The following NCKAP1L variants were observed in gnomAD, a reference collection of about 807,000 sequenced individuals.
The protein encoded by NCKAP1L is nck-associated protein 1-like.
NCKAP1L carries 53 observed loss-of-function variants against 139.2 expected under a neutral mutation model. The ratio of observed to expected loss-of-function variants is 0.38; its 90% confidence interval spans 0.31 to 0.48. NCKAP1L has a LOEUF of 0.48. Ranked by LOEUF, NCKAP1L falls within the 20% of genes least tolerant of loss-of-function variation. The pLI is 0.98. For missense variants in NCKAP1L, 1,151 were observed against 1,381.9 expected, an observed-to-expected ratio of 0.83 and a Z score of 2.65; for synonymous variants, 468 against 499.7, an observed-to-expected ratio of 0.94 and a Z score of 0.85.
intron 18 of NCKAP1L, 82 bp downstream of exon 18, chr12:54,521,320 A>G: frequency 6.4e-7 from 1 of 1,566,124 alleles, no homozygotes; most frequent in Non-Finnish European, 8.7e-7. Flanking sequence ...TTTCCCTCTC[A>G]GATGCCAAGC....
chr12:54,517,014 A>AG (rs748267413), intron 11 of NCKAP1L, 22 bp downstream of exon 11: 91 of 1,598,636 alleles, frequency 5.7e-5, no homozygotes, highest in Non-Finnish European at 4.3e-5. Context: ...AAATGTTGGG[A>AG]GGGGAATGAT....
At position 54,545,099 on chromosome 12, in the gene NCKAP1L, C is replaced by T. The variant is rs565940324; in HGVS notation, c.*2414C>T. The T allele has an allele frequency of 2.6e-5, 4 of 152,210 alleles. No individual in the cohort carries two copies. The East Asian group carries it at 7.7e-4, about 29-fold the overall frequency. The allele number at this position is 152,210 out of a possible 1,614,324, so 9.4% of individuals were successfully genotyped here. The stretch of plus-strand genomic sequence containing the variant: ...AGCAATTTTATAGCAATTTTCTCCT[C>T]CCACAACCCCCTTCCCCATCTCTAG... On this transcript the variant is annotated 3_prime_UTR_variant, in exon 31 of 31. Coordinates refer to ENST00000293373, the MANE Select transcript of NCKAP1L (RefSeq NM_005337.5).
At position 54,511,956 on chromosome 12, in the gene NCKAP1L, T is replaced by C; in HGVS notation, c.792T>C (p.Phe264=). 6.2e-7 allele frequency: 1 copy of C among 1,614,222 alleles called. No homozygotes were observed. Among genetic ancestry groups the C allele is most frequent in the Non-Finnish European group, 8.5e-7 (1 of 1,180,034 alleles). The change falls in exon 9 of 31, where the codon TTT becomes TTC. Residue 264 remains phenylalanine (F), a synonymous_variant. Coordinates refer to ENST00000293373, the MANE Select transcript of NCKAP1L (RefSeq NM_005337.5). ...CTGTTTTCCCACCTACAGTTGGGTT[T>C]CTTCTTTGTCATGGGTGCCTCAACT... The part of the protein sequence containing the change: ...EVMERWIIIG[F]LLCHGCLNSN...
intron 30 of NCKAP1L, among the ~76,000 whole-genome samples, chr12:54,541,800 G>A (rs1044071891): frequency 2.0e-5 from 3 of 152,096 alleles, no homozygotes; most frequent in Non-Finnish European, 4.4e-5. Context: ...TCCAGAGTGT[G>A]TTTTTTAGTC....
intron 21 of NCKAP1L, 28 bp from the exon 22 acceptor site, chr12:54,528,219 A>G: frequency 6.2e-7 from 1 of 1,611,504 alleles, no homozygotes; most frequent in Non-Finnish European, 8.5e-7. Flanking sequence ...TTGGATCCTA[A>G]TCTATGTTTT....
chr12:54,520,267 A>T (rs541348335), intron 16 of NCKAP1L, among the ~76,000 whole-genome samples: 28 of 152,360 alleles, frequency 1.8e-4, no homozygotes, highest in African/African-American at 6.7e-4. Context: ...TTGAGGAAAG[A>T]TCAGTCTCAT....
At chr12:54,538,605 C>G (rs914143850) in intron 29 of NCKAP1L, among the ~76,000 whole-genome samples, 2 of 152,204 alleles carry the variant, frequency 1.3e-5, no homozygotes, top group African/African-American at 4.8e-5. Context: ...CATACATCAC[C>G]TGCCTTTGCT....
At chr12:54,510,801 C>T (rs1008701939) in intron 7 of NCKAP1L, among the ~76,000 whole-genome samples, 30 of 150,746 alleles carry the variant, frequency 2.0e-4, no homozygotes, top group Admixed American at 6.0e-4. Flanking sequence ...GGATTACAGG[C>T]GTGAGCCACC....
In NCKAP1L at chr12:54,516,916, G is replaced by A. The variant is rs375104374; in HGVS notation, c.1019G>A (p.Arg340Gln). 1.6e-5 allele frequency: 26 copies of A among 1,612,082 alleles called. No individual in the cohort carries two copies. The highest frequency in any genetic ancestry group is 2.2e-5 in the Non-Finnish European group (26 of 1,178,888). Residue 340 changes from arginine (R) to glutamine (Q), a missense_variant, in exon 11 of 31, where the codon CGG becomes CAG. Physicochemically the swap from Arg to Gln is conservative, Grantham distance 43. Transcript: ENST00000293373. ...IANSGQFHCQRRQFLRMAVKE... is the reference protein window; with the variant it reads ...IANSGQFHCQQRQFLRMAVKE... ...CTTAGTGGCCAGTTTCATTGTCAAC[G>A]GCGGCAATTTCTGCGGATGGCAGTG...
At chr12:54,513,323 A>G (rs1177743948) in intron 9 of NCKAP1L, among the ~76,000 whole-genome samples, 1 of 152,192 alleles carries the variant, frequency 6.6e-6, no homozygotes, top group Non-Finnish European at 1.5e-5. Context: ...TTGACTTTGA[A>G]ATGTCTGTGG....
Position 54,499,397 on chromosome 12 carries a change from A to G in NCKAP1L, c.145A>G (p.Lys49Glu), listed in dbSNP as rs1057499805. ...ATCTAAGCCACCTTTCTTACTGGAA[A>G]AGTCCATGGAACCATCTCTCAAGTA... Reference protein sequence around the residue: ...PKSKPPFLLEKSMEPSLKYIN... With the variant: ...PKSKPPFLLEESMEPSLKYIN... The change falls in exon 2 of 31, where the codon AAG (lysine) becomes GAG (glutamate). Residue 49 changes from lysine (K) to glutamate (E), a missense_variant. By Grantham distance (56) the Lys-to-Glu change is moderately conservative. Coordinates refer to ENST00000293373, the MANE Select transcript of NCKAP1L (RefSeq NM_005337.5). The G allele has an allele frequency of 1.2e-6, 2 of 1,612,604 alleles. No homozygotes were observed. The highest frequency in any genetic ancestry group is 1.7e-6 in the Non-Finnish European group (2 of 1,178,632).
In NCKAP1L at chr12:54,538,975, T is replaced by TA. The variant is rs776326909; in HGVS notation, c.3273+4dup. ...TCCATTTCTCTGCTCATGCGCTTGG[T>TA]AAGTACCTTATTTAAATTGGTGTGA... On this transcript the variant is annotated splice_region_variant and intron_variant, in intron 30 of 30. Transcript: ENST00000293373. 6.2e-7 allele frequency: 1 copy of TA among 1,613,368 alleles called. No individual in the cohort carries two copies. The highest frequency in any genetic ancestry group is 2.2e-5 in the East Asian group (1 of 44,880).
At chr12:54,516,854 G>A in intron 10 of NCKAP1L, 42 bp from the exon 11 acceptor site, 1 of 1,560,098 alleles carries the variant, frequency 6.4e-7, no homozygotes, top group Non-Finnish European at 8.8e-7. Flanking sequence ...GGGTTTTTAA[G>A]GGTGGGAGAG....
intron 11 of NCKAP1L, 103 bp from the exon 12 acceptor site, chr12:54,517,430 C>A: frequency 1.3e-6 from 1 of 778,938 alleles, no homozygotes; most frequent in South Asian, 1.5e-5. Flanking sequence ...ACTGTTGTGG[C>A]TACACAATTA....
chr12:54,511,612 G>A (rs1033966712), intron 7 of NCKAP1L, among the ~76,000 whole-genome samples, 191 bp from the exon 8 acceptor site: 3 of 152,172 alleles, frequency 2.0e-5, no homozygotes, highest in Admixed American at 6.5e-5. Context: ...ACACTGTGTT[G>A]CCCAGGCTGG....
chr12:54,513,844 A>C (rs1207114671), intron 9 of NCKAP1L, among the ~76,000 whole-genome samples: 1 of 152,184 alleles, frequency 6.6e-6, no homozygotes, highest in Non-Finnish European at 1.5e-5. Context: ...AGTGGGTTTA[A>C]GGAAAGGGTC....
intron 3 of NCKAP1L, among the ~76,000 whole-genome samples, chr12:54,506,817 A>G (rs1456636666): frequency 7.2e-6 from 1 of 139,026 alleles, no homozygotes. Context: ...ATATATATAT[A>G]TATATATTCC....
chr12:54,524,013 C>A lies in NCKAP1L; in HGVS notation c.2156+57C>A, dbSNP rs537976042. 294 of 1,554,872 alleles carry A rather than the reference C, an allele frequency of 1.9e-4. 2 individuals are homozygous for A. In the African/African-American group the frequency reaches 3.7e-3, roughly 20 times the overall value. ...AGTAGTCTTCATACCCTACCATATA[C>A]CTCTATGTGTAGTATGGTGGTCCTC... On this transcript the variant is annotated intron_variant, in intron 20 of 30. Transcript: ENST00000293373.
In NCKAP1L at chr12:54,499,256, CTTT is replaced by C. The variant is rs1956777012; in HGVS notation, c.103-97_103-95del. 3 of 743,602 alleles carry C rather than the reference CTTT, an allele frequency of 4.0e-6. No individual in the cohort carries two copies. The East Asian group carries it at 8.0e-5, about 20-fold the overall frequency. 46.1% of individuals were successfully genotyped at this position (743,602 alleles called of 1,614,324 possible). On this transcript the variant is annotated intron_variant, in intron 1 of 30. Transcript: ENST00000293373. ...CTTTTTAAATTAGTTCCCAGGTTGC[CTTT>C]TCCTAAGACAGATTATGAGAATGAA...
Sources: gnomAD v4.1 joint callset for allele counts (sites outside exome capture counted in the v4.1 genomes callset) on GRCh38, gnomAD v4.1.1 for gene constraint, MANE v1.5 for transcripts, NCBI Gene and HGNC (gene_info 2026-07-23, HGNC 2026-07-21) for gene names.